The following ARAP2 variants were observed in gnomAD, a reference collection of about 807,000 sequenced individuals.
ARAP2 encodes the protein ArfGAP with RhoGAP domain, ankyrin repeat and PH domain 2.
Under a neutral mutation model 194.5 loss-of-function variants are expected in ARAP2, and 148 were observed. The ratio of observed to expected loss-of-function variants is 0.76; its 90% CI spans 0.67 to 0.87. ARAP2 has a LOEUF of 0.87. ARAP2 is among the 40% of genes least tolerant of loss of function. ARAP2 has a pLI of 0.00. For missense variants in ARAP2, 2,128 were observed against 1,989.7 expected (o/e 1.07, Z -1.32); for synonymous variants, 695 against 683.5 (o/e 1.02, Z -0.26).
At chr4:36,203,811 A>C (rs1283844197) in intron 6 of ARAP2, among the ~76,000 whole-genome samples, 1 of 152,184 alleles carries the variant, frequency 6.6e-6, no homozygotes, top group Non-Finnish European at 1.5e-5. Context: ...TGACAGCTCA[A>C]GATTAACATA....
chr4:36,089,680 TTAA>T (rs1340001980), intron 28 of ARAP2, among the ~76,000 whole-genome samples: 1 of 152,154 alleles, frequency 6.6e-6, no homozygotes, highest in Admixed American at 6.6e-5. Flanking sequence ...TTCCCGATTA[TTAA>T]TGATATTGAA....
At chr4:36,081,366 A>G (rs559568730) in intron 30 of ARAP2, among the ~76,000 whole-genome samples, 7 of 152,306 alleles carry the variant, frequency 4.6e-5, no homozygotes, top group Admixed American at 2.6e-4. Flanking sequence ...AGTGAAAAGT[A>G]TGAACAAAGG....
chr4:36,167,090 A>G (rs1578144773), intron 9 of ARAP2, 43 bp from the exon 10 acceptor site: 2 of 818,632 alleles, frequency 2.4e-6, no homozygotes, highest in Non-Finnish European at 3.5e-6. Flanking sequence ...GAAACAAAAA[A>G]AAAGATTTTG....
At chr4:36,060,951 CAT>C (rs1398115405) in intron 1 of ARAP2, among the ~76,000 whole-genome samples, 1 of 152,132 alleles carries the variant, frequency 6.6e-6, no homozygotes, top group East Asian at 1.9e-4. Context: ...AGGATTTCAA[CAT>C]ATGATTTTTG....
intron 5 of ARAP2, among the ~76,000 whole-genome samples, chr4:36,021,142 A>C (rs1343538567): frequency 6.6e-6 from 1 of 152,224 alleles, no homozygotes; most frequent in Non-Finnish European, 1.5e-5. Flanking sequence ...ATAAATGTAC[A>C]TAAAGTTATA....
intron 5 of ARAP2, among the ~76,000 whole-genome samples, chr4:36,027,616 A>T (rs34521072): frequency 0.027 from 4,079 of 151,512 alleles, 81 homozygotes; most frequent in Middle Eastern, 0.065. Context: ...TCTTAACAGC[A>T]TGATAATTAT....
intron 2 of ARAP2, among the ~76,000 whole-genome samples, chr4:36,222,380 C>T (rs956901499): frequency 2.0e-5 from 3 of 152,130 alleles, no homozygotes; most frequent in South Asian, 4.1e-4. Flanking sequence ...TCAAAATGAA[C>T]ACTTCATATT....
intron 2 of ARAP2, among the ~76,000 whole-genome samples, chr4:36,219,185 T>C (rs1748636499): frequency 6.6e-6 from 1 of 152,126 alleles, no homozygotes; most frequent in Non-Finnish European, 1.5e-5. Flanking sequence ...AAATGGAAAA[T>C]ATACATGTCC....
Position 36,128,722 on chromosome 4 carries a change from GA to G in ARAP2, c.3450del (p.Gln1151LysfsTer9), listed in dbSNP as rs1322794782. Reference sequence around the variant, plus strand: ...ATATGCAAAGGATCACCATTCTTTTGATAGATATATTTGCATCCTAAACCTT... The same window carrying G: ...ATATGCAAAGGATCACCATTCTTTTGTAGATATATTTGCATCCTAAACCTT... ...TQYGLGCKYIYQKNGDPLHIS... is the reference protein window; with the variant it reads ...TQYGLGCKYIXQKNGDPLHIS... On this transcript the variant is annotated frameshift_variant, in exon 21 of 33. Coordinates refer to ENST00000303965, the MANE Select transcript of ARAP2 (RefSeq NM_015230.4). LOFTEE classifies it high-confidence loss of function. The G allele has an allele frequency of 1.1e-5, 17 of 1,608,694 alleles. No homozygotes were observed. The highest frequency in any genetic ancestry group is 1.4e-5 in the African/African-American group (1 of 73,496).
chr4:36,068,471 G>T (rs1276403015), intron 32 of ARAP2, among the ~76,000 whole-genome samples, 193 bp from the exon 33 acceptor site: 2 of 152,222 alleles, frequency 1.3e-5, no homozygotes, highest in African/African-American at 4.8e-5. Context: ...ATCAACTACA[G>T]ACAGTCCCTG....
At chr4:36,106,301 G>C (rs1718400930) in intron 27 of ARAP2, among the ~76,000 whole-genome samples, 1 of 151,906 alleles carries the variant, frequency 6.6e-6, no homozygotes, top group South Asian at 2.1e-4. Flanking sequence ...TCATATGTAA[G>C]AGCATGAAAA....
chr4:36,085,981 T>C (rs898659190), intron 28 of ARAP2, among the ~76,000 whole-genome samples: 3 of 152,046 alleles, frequency 2.0e-5, no homozygotes, highest in Non-Finnish European at 2.9e-5. Context: ...TTGAACTGTC[T>C]AGTATGAGGT....
intron 2 of ARAP2, chr4:36,057,951 A>C (rs939726023): frequency 4.0e-5 from 6 of 151,216 alleles, no homozygotes; most frequent in Non-Finnish European, 7.4e-5. Flanking sequence ...AAAATAGAGA[A>C]GTTCCATAGA....
chr4:36,212,373 C>A lies in ARAP2; in HGVS notation c.1133+23G>T, dbSNP rs773348253. The A allele has an allele frequency of 5.8e-6, 9 of 1,548,642 alleles. No homozygotes were observed. The South Asian group carries it at 1.0e-4, about 17-fold the overall frequency. On this transcript the variant is annotated intron_variant, in intron 5 of 32. Coordinates refer to ENST00000303965, the MANE Select transcript of ARAP2 (RefSeq NM_015230.4). ...TAACAGTTTATTCTAAATAGTTAAT[C>A]ATCATCAATCATGATCTCATACCTT...
chr4:36,022,644 A>G (rs1266721353), intron 5 of ARAP2, among the ~76,000 whole-genome samples: 1 of 152,172 alleles, frequency 6.6e-6, no homozygotes, highest in African/African-American at 2.4e-5. Flanking sequence ...AAGTCACAGA[A>G]AGCATTATCC....
intron 25 of ARAP2, among the ~76,000 whole-genome samples, chr4:36,116,413 T>C (rs776208170): frequency 2.0e-5 from 3 of 151,876 alleles, no homozygotes; most frequent in Non-Finnish European, 4.4e-5. Flanking sequence ...TATCAGTTAC[T>C]ATATGTAAGG....
At chr4:36,113,116 A>G (rs967997242) in intron 26 of ARAP2, among the ~76,000 whole-genome samples, 4 of 151,922 alleles carry the variant, frequency 2.6e-5, no homozygotes, top group African/African-American at 9.7e-5. Flanking sequence ...GGGAATAGTC[A>G]TTAACAATAA....
At chr4:36,216,793 A>G (rs1748025121) in intron 2 of ARAP2, among the ~76,000 whole-genome samples, 1 of 152,228 alleles carries the variant, frequency 6.6e-6, no homozygotes, top group Non-Finnish European at 1.5e-5. Context: ...CATGCTGAGC[A>G]AAAGAAGCAA....
chr4:36,133,131 G>C, intron 20 of ARAP2, 95 bp downstream of exon 20: 1 of 1,195,114 alleles, frequency 8.4e-7, no homozygotes, highest in South Asian at 1.7e-5. Flanking sequence ...CAAATATAAA[G>C]GGTTTTAACT....
Sources: allele counts gnomAD v4.1 joint callset (sites outside exome capture counted in the v4.1 genomes callset), GRCh38; gene constraint gnomAD v4.1.1; transcripts MANE v1.5; gene names NCBI Gene and HGNC (gene_info 2026-07-23, HGNC 2026-07-21).